The following RNF130 variants were observed in gnomAD, a reference collection of about 807,000 sequenced individuals.
The protein encoded by RNF130 is E3 ubiquitin-protein ligase RNF130.
In RNF130, 21 loss-of-function variants were observed where a neutral mutation model predicts 44.6. The ratio of observed to expected loss-of-function variants is 0.47; its 90% CI spans 0.33 to 0.68. The LOEUF (loss-of-function observed/expected upper bound fraction) is 0.68, where lower values mean the gene tolerates loss of function less well. RNF130 is among the 30% of genes least tolerant of loss of function. The pLI is 0.02. For missense variants in RNF130, 479 were observed against 560.6 expected, an observed-to-expected ratio of 0.85 and a Z score of 1.47; for synonymous variants, 214 against 210.4, an observed-to-expected ratio of 1.02 and a Z score of -0.15.
intron 7 of RNF130, among the ~76,000 whole-genome samples, chr5:179,926,203 T>C (rs962564969): frequency 6.6e-6 from 1 of 152,230 alleles, no homozygotes; most frequent in Non-Finnish European, 1.5e-5. Flanking sequence ...ACTCCAGTCA[T>C]ACAGGCAAGA....
chr5:180,063,453 G>A (rs893640528), intron 1 of RNF130, among the ~76,000 whole-genome samples: 6 of 152,212 alleles, frequency 3.9e-5, no homozygotes, highest in African/African-American at 1.4e-4. Context: ...GAGAGCAGTG[G>A]TAGCAGATAG....
chr5:180,022,843 C>T (rs548439570), intron 2 of RNF130, among the ~76,000 whole-genome samples: 2 of 152,266 alleles, frequency 1.3e-5, no homozygotes, highest in South Asian at 2.1e-4. Context: ...TACATTTATG[C>T]TTTCTTACAA....
intron 1 of RNF130, among the ~76,000 whole-genome samples, chr5:180,056,418 A>G (rs978293767): frequency 2.6e-5 from 4 of 152,186 alleles, no homozygotes; most frequent in Non-Finnish European, 5.9e-5. Context: ...GTGTGGAGAG[A>G]AACAGACCAC....
chr5:180,023,500 C>CTT (rs1763919190), intron 2 of RNF130, among the ~76,000 whole-genome samples: 1 of 152,076 alleles, frequency 6.6e-6, no homozygotes, highest in Admixed American at 6.6e-5. Flanking sequence ...CATCTTACAG[C>CTT]ACCAGAAAGT....
chr5:180,063,443 G>A (rs1200097976), intron 1 of RNF130, among the ~76,000 whole-genome samples: 1 of 152,188 alleles, frequency 6.6e-6, no homozygotes, highest in Non-Finnish European at 1.5e-5. Flanking sequence ...GGAAAGACTG[G>A]AGAGCAGTGG....
rs115420861 is a variant in RNF130, at chr5:180,003,602, T to C, written c.693+9459A>G. Reference sequence around the variant, plus strand: ...AGTCCTTTAACATTTCCCATCACTTTGCGACAGGTAAACCTGTGACAGGTA... The same window carrying C: ...AGTCCTTTAACATTTCCCATCACTTCGCGACAGGTAAACCTGTGACAGGTA... On this transcript the variant is annotated intron_variant, in intron 3 of 8. Transcript: ENST00000521389. Among the ~76,000 whole-genome samples, 1,218 of 152,384 alleles carry C rather than the reference T, an allele frequency of 8.0e-3. 9 individuals carry two copies. Among genetic ancestry groups the C allele is most frequent in the Non-Finnish European group, 0.014 (934 of 68,032 alleles).
chr5:180,071,540 G>T lies in RNF130; in HGVS notation c.163C>A (p.Arg55Ser). Reference protein sequence around the residue: ...EPGRGAPLTFRIDRGRYGLDS... With the variant: ...EPGRGAPLTFSIDRGRYGLDS... The stretch of plus-strand genomic sequence containing the variant: ...AGCCCGTAGCGCCCGCGGTCGATGC[G>T]AAACGTGAGCGGGGCGCCGCGGCCG... The change falls in exon 1 of 9, where the codon CGC becomes AGC. Residue 55 changes from arginine (R) to serine (S), a missense_variant. Transcript: ENST00000521389. 7.1e-7 allele frequency: 1 copy of T among 1,404,918 alleles called. No individual in the cohort carries two copies. 87.0% of individuals were successfully genotyped at this position (1,404,918 alleles called of 1,614,324 possible).
At chr5:180,014,388 T>TTCTA (rs1763667678) in intron 2 of RNF130, among the ~76,000 whole-genome samples, 1 of 152,200 alleles carries the variant, frequency 6.6e-6, no homozygotes, top group South Asian at 2.1e-4. Context: ...AACATGTAGC[T>TTCTA]TCTACATTTG....
At chr5:179,967,513 GA>G (rs911405767) in intron 6 of RNF130, among the ~76,000 whole-genome samples, 2 of 152,202 alleles carry the variant, frequency 1.3e-5, no homozygotes. Flanking sequence ...GGTCAAAGTT[GA>G]AAAGACTTTT....
chr5:180,052,274 C>G (rs540417670), intron 1 of RNF130, among the ~76,000 whole-genome samples: 2 of 152,332 alleles, frequency 1.3e-5, no homozygotes, highest in African/African-American at 4.8e-5. Context: ...GACATTTCTC[C>G]ATGAATACTG....
chr5:180,063,841 G>T (rs746195700), intron 1 of RNF130, among the ~76,000 whole-genome samples: 1 of 152,182 alleles, frequency 6.6e-6, no homozygotes, highest in African/African-American at 2.4e-5. Flanking sequence ...GTTTACAAAA[G>T]ACTTCTGTAA....
intron 2 of RNF130, among the ~76,000 whole-genome samples, chr5:180,034,714 T>G (rs1764209219): frequency 6.6e-6 from 1 of 152,186 alleles, no homozygotes; most frequent in East Asian, 1.9e-4. Context: ...GAACATGGGT[T>G]TGGGGAGGAT....
intron 1 of RNF130, among the ~76,000 whole-genome samples, chr5:180,069,706 G>A (rs1765201310): frequency 6.6e-6 from 1 of 152,144 alleles, no homozygotes; most frequent in South Asian, 2.1e-4. Flanking sequence ...CAGGCTAAAT[G>A]GCAGAGTTAC....
intron 7 of RNF130, among the ~76,000 whole-genome samples, chr5:179,948,662 G>A (rs1184971384): frequency 6.6e-6 from 1 of 152,072 alleles, no homozygotes; most frequent in African/African-American, 2.4e-5. Flanking sequence ...TAGATAGAGC[G>A]AGACTCTGTC....
chr5:180,054,066 C>T (rs1038901285), intron 1 of RNF130, among the ~76,000 whole-genome samples: 2 of 152,190 alleles, frequency 1.3e-5, no homozygotes, highest in African/African-American at 4.8e-5. Context: ...CTGCCCGCCT[C>T]GGCCTCCCAA....
In RNF130 at chr5:179,967,000, G is replaced by A; in HGVS notation, c.956C>T (p.Pro319Leu). ...ATCGAATGCTACGTTATCAGTACATGGCAAATTCGGCTGCAAAATATTTCC... is the reference window on the plus strand; with the variant it reads ...ATCGAATGCTACGTTATCAGTACATAGCAAATTCGGCTGCAAAATATTTCC... ...LKALGIVPNL[P>L]CTDNVAFDME... Residue 319 changes from proline (P) to leucine (L), a missense_variant, in exon 7 of 9, where the codon CCA becomes CTA. Physicochemically the swap from Pro to Leu is moderately conservative, Grantham distance 98 (BLOSUM62 -3). Around this residue, in one of 3 missense-constraint regions of RNF130, gnomAD observed 161 missense variants for 158.6 expected, o/e 1.02. Transcript: ENST00000521389. The A allele has an allele frequency of 1.2e-6, 2 of 1,611,686 alleles. No individual in the cohort carries two copies. The highest frequency in any genetic ancestry group is 2.2e-5 in the South Asian group (2 of 90,464).
intron 2 of RNF130, among the ~76,000 whole-genome samples, chr5:180,013,789 C>A (rs1763650875): frequency 6.6e-6 from 1 of 152,172 alleles, no homozygotes; most frequent in African/African-American, 2.4e-5. Context: ...TTGCACTAAT[C>A]TAGGAACATT....
intron 3 of RNF130, 30 bp downstream of exon 3, chr5:180,013,031 G>A (rs371471474): frequency 2.1e-4 from 332 of 1,593,246 alleles, no homozygotes; most frequent in East Asian, 1.1e-3. Context: ...TGGCTGTTAC[G>A]AACCAATCAC....
intron 7 of RNF130, among the ~76,000 whole-genome samples, chr5:179,921,839 A>G (rs1761635190): frequency 6.7e-6 from 1 of 148,628 alleles, no homozygotes; most frequent in Non-Finnish European, 1.5e-5. Flanking sequence ...TGGCCAACAT[A>G]GTGAAACCCC....
Sources: gnomAD v4.1 joint callset for allele counts (sites outside exome capture counted in the v4.1 genomes callset) on GRCh38, gnomAD v4.1.1 for gene constraint, gnomAD v4.1.1 regional missense constraint, MANE v1.5 for transcripts, NCBI Gene and HGNC (gene_info 2026-07-23, HGNC 2026-07-21) for gene names.